The following RBFOX1 variants were observed in gnomAD, a reference collection of about 807,000 sequenced individuals.
RBFOX1 encodes RNA binding fox-1 homolog 1, also known as RNA binding protein fox-1 homolog 1.
Under a neutral mutation model 57.7 loss-of-function variants are expected in RBFOX1, and 8 were observed. The ratio of observed to expected loss-of-function variants is 0.14; its 90% CI spans 0.08 to 0.25. The LOEUF is 0.25. Among genes scored for constraint, RBFOX1 ranks in the 10% least tolerant of loss-of-function variants. The pLI is 1.00. For synonymous variants in RBFOX1, 326 were observed against 222.4 expected (o/e 1.47, Z -4.15); for missense variants, 611 against 548.5 (o/e 1.11, Z -1.14).
At chr16:6,294,041 G>T (rs911089525) in intron 1 of RBFOX1, among the ~76,000 whole-genome samples, 1 of 152,136 alleles carries the variant, frequency 6.6e-6, no homozygotes, top group Admixed American at 6.5e-5. Flanking sequence ...TTTCAACTAG[G>T]TGTGGTGGTA....
chr16:5,560,778 C>A (rs1375590252), intron 2 of RBFOX1, among the ~76,000 whole-genome samples: 1 of 152,190 alleles, frequency 6.6e-6, no homozygotes, highest in African/African-American at 2.4e-5. Context: ...GAGCTCCATG[C>A]TGCCAAATCT....
chr16:7,705,202 G>T (rs1020750788), intron 14 of RBFOX1, among the ~76,000 whole-genome samples: 2 of 151,966 alleles, frequency 1.3e-5, no homozygotes, highest in African/African-American at 4.8e-5. Context: ...ATGTGTGCAG[G>T]AACGATCAAG....
At chr16:7,082,346 C>T (rs1044810374) in intron 4 of RBFOX1, among the ~76,000 whole-genome samples, 7 of 151,814 alleles carry the variant, frequency 4.6e-5, no homozygotes, top group East Asian at 1.9e-4. Context: ...TTTGGGAGGC[C>T]GAGGTGGGTG....
chr16:7,378,399 C>T (rs557078264), intron 4 of RBFOX1, among the ~76,000 whole-genome samples: 1 of 152,082 alleles, frequency 6.6e-6, no homozygotes, highest in Non-Finnish European at 1.5e-5. Context: ...CTGGAGAGTC[C>T]CTGACAAGGA....
intron 3 of RBFOX1, among the ~76,000 whole-genome samples, chr16:6,881,241 G>C (rs1290349227): frequency 6.6e-6 from 1 of 152,184 alleles, no homozygotes; most frequent in African/African-American, 2.4e-5. Flanking sequence ...TTAGATATAA[G>C]GTTCCCAAGA....
At chr16:6,621,853 C>T (rs1412715555) in intron 2 of RBFOX1, among the ~76,000 whole-genome samples, 1 of 152,082 alleles carries the variant, frequency 6.6e-6, no homozygotes. Flanking sequence ...TTGAGAGACG[C>T]TTGACGAACA....
intron 4 of RBFOX1, among the ~76,000 whole-genome samples, chr16:7,213,135 C>G (rs953336616): frequency 1.3e-5 from 2 of 152,068 alleles, no homozygotes; most frequent in Non-Finnish European, 2.9e-5. Context: ...TTATCCAGAC[C>G]CTGAAGCCCG....
chr16:5,809,682 C>G (rs1162993879), intron 3 of RBFOX1, among the ~76,000 whole-genome samples: 2 of 152,168 alleles, frequency 1.3e-5, no homozygotes, highest in East Asian at 3.9e-4. Flanking sequence ...ACAACAGGTG[C>G]TGGAGAGGAT....
At chr16:6,586,261 T>A (rs1320366408) in intron 2 of RBFOX1, among the ~76,000 whole-genome samples, 2 of 152,218 alleles carry the variant, frequency 1.3e-5, no homozygotes, top group African/African-American at 4.8e-5. Context: ...ACAATTTCTT[T>A]GAACCACTCG....
chr16:6,518,631 A>C (rs145707294), intron 2 of RBFOX1, among the ~76,000 whole-genome samples: 1 of 152,088 alleles, frequency 6.6e-6, no homozygotes. Flanking sequence ...GGGCTTCTTG[A>C]CATTGTCCTA....
At position 5,391,499 on chromosome 16, in the gene RBFOX1, G is replaced by T. The variant is rs141872653; in HGVS notation, c.220-75717G>T. ...CTCCACTGGGACCACCCAGATAACC[G>T]AGGAGAATCTCCCCATTTTAAGGTC... On this transcript the variant is annotated intron_variant, in intron 1 of 2. Transcript: ENST00000585867. Among the ~76,000 whole-genome samples the T allele has an allele frequency of 1.6e-3, 243 of 152,218 alleles. 3 individuals carry two copies. Among genetic ancestry groups the T allele is most frequent in the African/African-American group, 5.5e-3 (227 of 41,532 alleles).
intron 3 of RBFOX1, among the ~76,000 whole-genome samples, chr16:6,708,631 C>G (rs2063191215): frequency 6.6e-6 from 1 of 152,190 alleles, no homozygotes; most frequent in South Asian, 2.1e-4. Flanking sequence ...GAGCGATTTG[C>G]TATGACAAAT....
chr16:5,449,780 T>G (rs925755345), intron 1 of RBFOX1, among the ~76,000 whole-genome samples: 1 of 152,002 alleles, frequency 6.6e-6, no homozygotes, highest in African/African-American at 2.4e-5. Flanking sequence ...GGCTAATTTT[T>G]TATTTTTTGT....
chr16:6,891,058 C>T (rs956268999), intron 3 of RBFOX1, among the ~76,000 whole-genome samples: 7 of 152,144 alleles, frequency 4.6e-5, no homozygotes, highest in Non-Finnish European at 7.3e-5. Context: ...TCATGTTCCC[C>T]GTCCCTTCAC....
chr16:5,796,376 G>C (rs1055144337), intron 3 of RBFOX1, among the ~76,000 whole-genome samples: 1 of 152,196 alleles, frequency 6.6e-6, no homozygotes, highest in African/African-American at 2.4e-5. Flanking sequence ...TCCAGGATCT[G>C]GACCAAATAT....
chr16:5,764,908 A>G (rs1007401235), intron 3 of RBFOX1, among the ~76,000 whole-genome samples: 1 of 152,210 alleles, frequency 6.6e-6, no homozygotes, highest in African/African-American at 2.4e-5. Flanking sequence ...TGAAATAAAT[A>G]CAATTTTGTC....
At chr16:7,555,340 G>C (rs1033071929) in intron 5 of RBFOX1, among the ~76,000 whole-genome samples, 1 of 152,146 alleles carries the variant, frequency 6.6e-6, no homozygotes, top group African/African-American at 2.4e-5. Context: ...GACATAAGTA[G>C]AAAGGCTGTG....
intron 2 of RBFOX1, among the ~76,000 whole-genome samples, chr16:6,550,916 C>T (rs751810031): frequency 2.9e-4 from 44 of 152,160 alleles, no homozygotes; most frequent in Non-Finnish European, 3.2e-4. Flanking sequence ...AATACTCGGG[C>T]AACTCAAGTT....
chr16:6,416,017 T>C (rs2093615385), intron 2 of RBFOX1, among the ~76,000 whole-genome samples: 1 of 152,210 alleles, frequency 6.6e-6, no homozygotes, highest in Admixed American at 6.5e-5. Flanking sequence ...AAACTGTTGC[T>C]GCTGTTTCTG....
Sources: gnomAD v4.1 joint callset for allele counts (sites outside exome capture counted in the v4.1 genomes callset) on GRCh38, gnomAD v4.1.1 for gene constraint, MANE v1.5 for transcripts, NCBI Gene and HGNC (gene_info 2026-07-23, HGNC 2026-07-21) for gene names.